LRP1: variants seen among roughly 807,000 people sequenced by gnomAD.
LRP1 encodes the protein LDL receptor related protein 1, also known as prolow-density lipoprotein receptor-related protein 1.
In LRP1, 51 loss-of-function variants were observed where a neutral mutation model predicts 541.5. The observed-to-expected ratio is 0.09, with a 90% CI of 0.08 to 0.12. The LOEUF (loss-of-function observed/expected upper bound fraction) is 0.12. LRP1 is among the 10% of genes least tolerant of loss of function. LRP1 has a pLI of 1.00. For synonymous variants in LRP1, 2,219 were observed against 2,470.8 expected (o/e 0.90, Z 3.02); for missense variants, 3,878 against 6,376.2 (o/e 0.61, Z 13.34).
intron 6 of LRP1, among the ~76,000 whole-genome samples, chr12:57,151,428 C>A (rs1417160345): frequency 6.6e-6 from 1 of 152,254 alleles, no homozygotes; most frequent in East Asian, 1.9e-4. Context: ...ACCCCCAACT[C>A]CTTCCACAAC....
rs995249125 is a variant in LRP1 at position 57,213,216 on chromosome 12, A to G, written c.*661A>G. On this transcript the variant is annotated 3_prime_UTR_variant, in exon 89 of 89. Transcript: ENST00000243077. The stretch of plus-strand genomic sequence containing the variant: ...AGCCTCCCCTCCCCTGGGGACGCCA[A>G]GGAGGTGGGCCACACCCAGGAAGGG... 2 of 151,918 alleles carry G rather than the reference A, an allele frequency of 1.3e-5. No individual in the cohort carries two copies. Among genetic ancestry groups the G allele is most frequent in the Admixed American group, 6.6e-5 (1 of 15,260 alleles). The allele number at this position is 151,918 out of a possible 1,614,324, so 9.4% of individuals were successfully genotyped here.
chr12:57,207,530 CA>C (rs11336238), intron 76 of LRP1, among the ~76,000 whole-genome samples: 130,923 of 135,364 alleles, frequency 0.97, 63,371 homozygotes, highest in East Asian at 1. Context: ...GACTCCGTCT[CA>C]AAAAAAAAAA....
intron 12 of LRP1, among the ~76,000 whole-genome samples, chr12:57,160,234 A>T (rs2035700151): frequency 6.6e-6 from 1 of 152,068 alleles, no homozygotes; most frequent in Non-Finnish European, 1.5e-5. Flanking sequence ...GCCTTCCACC[A>T]GCTCCCCTTA....
Position 57,184,495 on chromosome 12 carries a change from G to A in LRP1, c.6186+43G>A. 3 of 1,612,384 alleles carry A rather than the reference G, an allele frequency of 1.9e-6. No individual in the cohort carries two copies. The highest frequency in any genetic ancestry group is 1.1e-5 in the South Asian group (1 of 90,842). On this transcript the variant is annotated intron_variant, in intron 38 of 88. Transcript: ENST00000243077. This position sits in a 1 kb window ranked among gnomAD's most constrained non-coding sequence, Gnocchi z 7.8. ...GCCTTGGATCCGATGGTAGACCCCT[G>A]ACCCAGGCTCCTGTTCCCTGTGATG...
intron 68 of LRP1, 145 bp downstream of exon 68, chr12:57,202,682 A>G (rs2036683223): frequency 3.2e-6 from 2 of 633,826 alleles, no homozygotes; most frequent in South Asian, 3.6e-5. Context: ...ATCCCACTCC[A>G]TGTCGTGTAT....
intron 13 of LRP1, among the ~76,000 whole-genome samples, chr12:57,161,894 T>C (rs1208693669): frequency 6.6e-6 from 1 of 152,126 alleles, no homozygotes; most frequent in African/African-American, 2.4e-5. Context: ...TCTTACTACC[T>C]ACTACAGCTC....
chr12:57,194,712 TGC>T lies in LRP1; in HGVS notation c.8191+14_8191+15del, dbSNP rs771528348. On this transcript the variant is annotated intron_variant, in intron 50 of 88. Transcript: ENST00000243077. ...GAGACCCACTGCAGTGAGTGACCAC[TGC>T]ACCCACTCAGTGCTCCAAGAGCCTG... The T allele has an allele frequency of 1.9e-6, 3 of 1,541,516 alleles. No homozygotes were observed. Among genetic ancestry groups the T allele is most frequent in the Admixed American group, 3.9e-5 (2 of 51,296 alleles).
At position 57,210,864 on chromosome 12, in the gene LRP1, G is replaced by C; in HGVS notation, c.12901G>C (p.Asp4301His). The C allele has an allele frequency of 6.2e-7, 1 of 1,612,170 alleles. No individual in the cohort carries two copies. Among genetic ancestry groups the C allele is most frequent in the Non-Finnish European group, 8.5e-7 (1 of 1,179,316 alleles). ...QCRCLPGFLG[D>H]RCQYRQCSGY... ...CCGATGCCTACCCGGCTTCCTGGGC[G>C]ACCGCTGCCAGTACCGTGAGTGAGC... Residue 4301 changes from aspartate to histidine, a missense_variant, in exon 83 of 89, where the codon GAC becomes CAC. Transcript: ENST00000243077.
chr12:57,175,415 T>C, intron 22 of LRP1, 45 bp from the exon 23 acceptor site: 1 of 1,607,230 alleles, frequency 6.2e-7, no homozygotes, highest in Non-Finnish European at 8.5e-7. Context: ...TTGCCTCCTC[T>C]CAGCTTCTGA....
At chr12:57,186,254 T>A (rs1049030171) in intron 41 of LRP1, among the ~76,000 whole-genome samples, 1 of 152,220 alleles carries the variant, frequency 6.6e-6, no homozygotes, top group African/African-American at 2.4e-5. Context: ...TTGCCAAGCC[T>A]GAGCCTTCTC....
In LRP1 at chr12:57,185,354, AG is replaced by A. The variant is rs1235836210; in HGVS notation, c.6463+151del. On this transcript the variant is annotated intron_variant, in intron 40 of 88. Coordinates refer to ENST00000243077, the MANE Select transcript of LRP1 (RefSeq NM_002332.3). The surrounding 1 kb of genome is among the most constrained non-coding windows in gnomAD (Gnocchi z 4.9). Reference sequence around the variant, plus strand: ...TGGCCCGAGAGACCCAGGGATGGGGAGGAAAGGCTGAGGTGCTCTGGGACAG... The same window carrying A: ...TGGCCCGAGAGACCCAGGGATGGGGAGAAAGGCTGAGGTGCTCTGGGACAG... The A allele has an allele frequency of 3.0e-5, 41 of 1,372,660 alleles. No homozygotes were observed. Among genetic ancestry groups the A allele is most frequent in the Non-Finnish European group, 3.7e-5 (37 of 1,011,754 alleles). 85.0% of individuals were successfully genotyped at this position (1,372,660 alleles called of 1,614,324 possible).
intron 4 of LRP1, chr12:57,144,572 A>G (rs2035360502): frequency 5.4e-6 from 1 of 184,490 alleles, no homozygotes; most frequent in African/African-American, 2.3e-5. Flanking sequence ...TTCTCTTTTC[A>G]TTGCACTAGC....
In LRP1 at chr12:57,179,230, A is replaced by T. The variant is rs1426450553; in HGVS notation, c.4739-99A>T. ...TATGTCCACGGAGCCAAGGGCCAGT[A>T]GCAAACAGACGGATCCAGAAGAAGG... On this transcript the variant is annotated intron_variant, in intron 28 of 88. Transcript: ENST00000243077. This position sits in a 1 kb window ranked among gnomAD's most constrained non-coding sequence, Gnocchi z 6.8. The T allele has an allele frequency of 1.6e-4, 192 of 1,200,572 alleles. No homozygotes were observed. The highest frequency in any genetic ancestry group is 2.2e-4 in the Non-Finnish European group (187 of 838,432). The allele number at this position is 1,200,572 out of a possible 1,614,324, so 74.4% of individuals were successfully genotyped here. A position where few individuals can be genotyped will look rare whatever the true frequency, so the allele number is the denominator to read the frequency against.
chr12:57,158,299 G>A lies in LRP1; in HGVS notation c.1562-103G>A, dbSNP rs530715233. 2 of 921,046 alleles carry A rather than the reference G, an allele frequency of 2.2e-6. No homozygotes were observed. Among genetic ancestry groups the A allele is most frequent in the East Asian group, 4.8e-5 (2 of 41,398 alleles). The allele number at this position is 921,046 out of a possible 1,614,324, so 57.1% of individuals were successfully genotyped here. A position where few individuals can be genotyped will look rare whatever the true frequency, so the allele number is the denominator to read the frequency against. ...GAGCCTCGCATCCCTAACGTCTCCT[G>A]ACCCATCACAGCTAGGGCATTGCAG... On this transcript the variant is annotated intron_variant, in intron 10 of 88. Coordinates refer to ENST00000243077, the MANE Select transcript of LRP1 (RefSeq NM_002332.3). The surrounding 1 kb of genome is among the most constrained non-coding windows in gnomAD (Gnocchi z 5.3).
At position 57,150,044 on chromosome 12, in the gene LRP1, G is replaced by A. The variant is rs1400546189; in HGVS notation, c.842-4164G>A. ...CAGACTCAGTCTTCAATAAATATTTGTTCAATGGATCAATACATGTGTGTC... is the reference window on the plus strand; with the variant it reads ...CAGACTCAGTCTTCAATAAATATTTATTCAATGGATCAATACATGTGTGTC... On this transcript the variant is annotated intron_variant, in intron 6 of 88. Coordinates refer to ENST00000243077, the MANE Select transcript of LRP1 (RefSeq NM_002332.3). 2.2e-5 allele frequency: 9 copies of A among 415,970 alleles called. No individual in the cohort carries two copies. The East Asian group carries it at 4.0e-4, about 18-fold the overall frequency. 25.8% of individuals were successfully genotyped at this position (415,970 alleles called of 1,614,324 possible). A position where few individuals can be genotyped will look rare whatever the true frequency, so the allele number is the denominator to read the frequency against.
In LRP1 at chr12:57,208,830, G is replaced by T; in HGVS notation, c.12145+13G>T. 6.3e-7 allele frequency: 1 copy of T among 1,599,942 alleles called. No homozygotes were observed. Among genetic ancestry groups the T allele is most frequent in the Non-Finnish European group, 8.6e-7 (1 of 1,167,790 alleles). On this transcript the variant is annotated intron_variant, in intron 78 of 88. Coordinates refer to ENST00000243077, the MANE Select transcript of LRP1 (RefSeq NM_002332.3). ...CAGTGGCCCACAGGTTTGTGGGGCA[G>T]GGTGCAGGAGGGACGGGCATGGAGG...
Position 57,179,002 on chromosome 12 carries a change from G to T in LRP1, c.4719G>T (p.Lys1573Asn). Residue 1573 changes from lysine to asparagine, a missense_variant, in exon 28 of 89, where the codon AAG becomes AAT. Coordinates refer to ENST00000243077, the MANE Select transcript of LRP1 (RefSeq NM_002332.3). This position sits in a 1 kb window ranked among gnomAD's most constrained non-coding sequence, Gnocchi z 6.8. ...GCCCCCACCTCATGAAGCTCCACAA[G>T]GACAACACCACCTGCTATGGTAGGA... is the stretch of plus-strand genomic sequence containing the variant. ...CACPHLMKLH[K>N]DNTTCYEFKK... The T allele has an allele frequency of 6.2e-7, 1 of 1,614,078 alleles. No individual in the cohort carries two copies. Among genetic ancestry groups the T allele is most frequent in the Non-Finnish European group, 8.5e-7 (1 of 1,179,990 alleles).
intron 1 of LRP1, among the ~76,000 whole-genome samples, chr12:57,136,945 T>G (rs780562976): frequency 3.3e-5 from 5 of 152,136 alleles, no homozygotes; most frequent in Admixed American, 2.6e-4. Flanking sequence ...GAGCCCACAA[T>G]AAGAGTTAGT....
Position 57,210,316 on chromosome 12 carries a change from C to T in LRP1, c.12590C>T (p.Pro4197Leu). 1 of 1,558,806 alleles carries T rather than the reference C, an allele frequency of 6.4e-7. No homozygotes were observed. The highest frequency in any genetic ancestry group is 8.7e-7 in the Non-Finnish European group (1 of 1,149,774). Reference sequence around the variant, plus strand: ...CGGGCCCTTCCTGCAGCTCCCCGGCCTGGAACCTGTAACCTGCAGTGCTTC... The same window carrying T: ...CGGGCCCTTCCTGCAGCTCCCCGGCTTGGAACCTGTAACCTGCAGTGCTTC... ...SPTPPPDAPRPGTCNLQCFNG... is the reference protein window; with the variant it reads ...SPTPPPDAPRLGTCNLQCFNG... Residue 4197 changes from proline (P) to leucine (L), a missense_variant, in exon 82 of 89, where the codon CCT becomes CTT. Physicochemically the swap from Pro to Leu is moderately conservative, Grantham distance 98. Coordinates refer to ENST00000243077, the MANE Select transcript of LRP1 (RefSeq NM_002332.3).
Sources: allele counts gnomAD v4.1 joint callset (sites outside exome capture counted in the v4.1 genomes callset), GRCh38; gene constraint gnomAD v4.1.1; non-coding constraint Gnocchi (gnomAD v3.1); transcripts MANE v1.5; gene names NCBI Gene and HGNC (gene_info 2026-07-23, HGNC 2026-07-21).